The following DLGAP1 variants were observed in gnomAD, a reference collection of about 807,000 sequenced individuals.
The protein encoded by DLGAP1 is DLG associated protein 1.
DLGAP1 carries 11 observed loss-of-function variants against 90.8 expected under a neutral mutation model. That is an observed-to-expected ratio of 0.12 (90% CI 0.08 to 0.20). DLGAP1 has a LOEUF of 0.20. DLGAP1 is among the 10% of genes least tolerant of loss of function. The pLI, the probability that DLGAP1 is intolerant of heterozygous loss-of-function variation, is 1.00. For synonymous variants in DLGAP1, 558 were observed against 540.7 expected (o/e 1.03, Z -0.44); for missense variants, 1,050 against 1,333.8 (o/e 0.79, Z 3.31).
At chr18:4,351,198 C>A (rs1011944045) in intron 1 of DLGAP1, among the ~76,000 whole-genome samples, 1 of 152,150 alleles carries the variant, frequency 6.6e-6, no homozygotes, top group African/African-American at 2.4e-5. Context: ...TTTCTTCAAC[C>A]AATTGTTAGC....
In DLGAP1 at chr18:3,696,650, G is replaced by A. The variant is rs1375388962; in HGVS notation, c.1591+32485C>T. Reference sequence around the variant, plus strand: ...TGATGTTTGTCAGGGATATTGGCCTGAAATTTTCTTTTTTTGTTGTGTCTC... The same window carrying A: ...TGATGTTTGTCAGGGATATTGGCCTAAAATTTTCTTTTTTTGTTGTGTCTC... On this transcript the variant is annotated intron_variant, in intron 7 of 12. Transcript: ENST00000315677. 3.3e-5 allele frequency among the ~76,000 whole-genome samples: 5 copies of A among 152,260 alleles called. No homozygotes were observed. In the East Asian group the frequency reaches 9.7e-4, roughly 29 times the overall value.
intron 1 of DLGAP1, among the ~76,000 whole-genome samples, chr18:4,273,141 A>C (rs1055560092): frequency 6.6e-6 from 1 of 152,306 alleles, no homozygotes; most frequent in Non-Finnish European, 1.5e-5. Context: ...GTAATTTGTT[A>C]CTGCAGCCTC....
chr18:3,998,914 C>A (rs750875310), intron 3 of DLGAP1, among the ~76,000 whole-genome samples: 1 of 151,964 alleles, frequency 6.6e-6, no homozygotes, highest in African/African-American at 2.4e-5. Flanking sequence ...GGGAATAGTC[C>A]CTTTGGTGCT....
At chr18:4,109,529 C>T (rs529008477) in intron 2 of DLGAP1, among the ~76,000 whole-genome samples, 30 of 151,080 alleles carry the variant, frequency 2.0e-4, no homozygotes, top group African/African-American at 7.4e-4. Flanking sequence ...TCCTGCTTCA[C>T]TACTTGGAGA....
chr18:4,288,843 A>G (rs1233020445), intron 1 of DLGAP1, among the ~76,000 whole-genome samples: 1 of 151,994 alleles, frequency 6.6e-6, no homozygotes, highest in East Asian at 1.9e-4. Context: ...TTTGATTCGC[A>G]TAACAGGTTT....
intron 4 of DLGAP1, among the ~76,000 whole-genome samples, chr18:3,820,654 G>A (rs1355443304): frequency 6.6e-6 from 1 of 152,178 alleles, no homozygotes; most frequent in Non-Finnish European, 1.5e-5. Context: ...GTAAATAGGA[G>A]GAGAAAAATG....
At chr18:3,634,954 G>A (rs1288148752) in intron 7 of DLGAP1, among the ~76,000 whole-genome samples, 1 of 152,162 alleles carries the variant, frequency 6.6e-6, no homozygotes, top group African/African-American at 2.4e-5. Context: ...AATAACATTA[G>A]AAAAGAGACA....
chr18:3,643,808 C>T lies in DLGAP1; in HGVS notation c.1592-61560G>A, dbSNP rs116227322. 6.3e-3 allele frequency among the ~76,000 whole-genome samples: 955 copies of T among 151,880 alleles called. 6 individuals carry two copies. The highest frequency in any genetic ancestry group is 0.022 in the African/African-American group (911 of 41,398). On this transcript the variant is annotated intron_variant, in intron 7 of 12. Transcript: ENST00000315677. ...AACCCAAAAGTTTGATGAAAGAGTACGTTGATGAAACTGTGGAGAAACAGG... is the reference window on the plus strand; with the variant it reads ...AACCCAAAAGTTTGATGAAAGAGTATGTTGATGAAACTGTGGAGAAACAGG...
intron 7 of DLGAP1, among the ~76,000 whole-genome samples, chr18:3,720,918 G>C (rs2061957820): frequency 1.4e-5 from 1 of 73,822 alleles, no homozygotes; most frequent in Non-Finnish European, 2.5e-5. Context: ...AATTAGCTGG[G>C]CCTGGTATAA....
chr18:3,792,694 C>G (rs1278998022), intron 5 of DLGAP1, among the ~76,000 whole-genome samples: 1 of 152,164 alleles, frequency 6.6e-6, no homozygotes, highest in Non-Finnish European at 1.5e-5. Context: ...GCGGCCACAC[C>G]TCACCATACA....
intron 2 of DLGAP1, among the ~76,000 whole-genome samples, chr18:4,059,689 C>A (rs1337182924): frequency 6.6e-6 from 1 of 151,492 alleles, no homozygotes; most frequent in African/African-American, 2.4e-5. Context: ...CCAGCCTGGA[C>A]AACAGGAGCA....
chr18:3,992,310 T>C (rs964098362), intron 3 of DLGAP1, among the ~76,000 whole-genome samples: 2 of 152,192 alleles, frequency 1.3e-5, no homozygotes, highest in Admixed American at 6.5e-5. Flanking sequence ...CATAAAATGA[T>C]TTTTAAACAC....
At chr18:3,971,765 T>G (rs2149005975) in intron 3 of DLGAP1, among the ~76,000 whole-genome samples, 2 of 152,346 alleles carry the variant, frequency 1.3e-5, no homozygotes, top group South Asian at 2.1e-4. Context: ...TTAGAAAATC[T>G]TGTTCTCTAA....
At chr18:3,644,517 T>A (rs1160650333) in intron 7 of DLGAP1, among the ~76,000 whole-genome samples, 1 of 152,056 alleles carries the variant, frequency 6.6e-6, no homozygotes, top group Non-Finnish European at 1.5e-5. Flanking sequence ...TTCAAGTGAT[T>A]CTCCTGCCTC....
At chr18:3,630,350 C>T (rs975701923) in intron 7 of DLGAP1, among the ~76,000 whole-genome samples, 6 of 152,134 alleles carry the variant, frequency 3.9e-5, no homozygotes, top group Admixed American at 1.3e-4. Flanking sequence ...GGTCCTCAGA[C>T]TGAAACTATC....
At chr18:3,560,322 G>A (rs2054003296) in intron 9 of DLGAP1, among the ~76,000 whole-genome samples, 1 of 151,430 alleles carries the variant, frequency 6.6e-6, no homozygotes, top group Non-Finnish European at 1.5e-5. Context: ...GGTAGGCTGA[G>A]GCAGGAGAAT....
chr18:4,198,754 T>A (rs7236138), intron 1 of DLGAP1, among the ~76,000 whole-genome samples: 115,703 of 152,142 alleles, frequency 0.76, 43,958 homozygotes, highest in Admixed American at 0.82. Context: ...TTTCTCCTCA[T>A]ATTCCTTGTA....
chr18:3,609,476 A>G (rs999102025), intron 7 of DLGAP1, among the ~76,000 whole-genome samples: 9 of 152,210 alleles, frequency 5.9e-5, no homozygotes, highest in African/African-American at 2.2e-4. Flanking sequence ...GGTGTGGAAT[A>G]GATATTTCTT....
At chr18:3,984,304 T>C (rs1367244349) in intron 3 of DLGAP1, 2 of 152,102 alleles carry the variant, frequency 1.3e-5, no homozygotes, top group African/African-American at 4.8e-5. Flanking sequence ...CCTTCAGTGG[T>C]CTCCCCTGAC....
Sources: allele counts gnomAD v4.1 joint callset (sites outside exome capture counted in the v4.1 genomes callset), GRCh38; gene constraint gnomAD v4.1.1; transcripts MANE v1.5; gene names NCBI Gene and HGNC (gene_info 2026-07-23, HGNC 2026-07-21).